Variants in PTPRM observed in about 807,000 individuals in gnomAD.
PTPRM encodes receptor-type tyrosine-protein phosphatase mu.
Under a neutral mutation model 186.7 loss-of-function variants are expected in PTPRM, and 47 were observed. The observed-to-expected ratio is 0.25, with a 90% CI of 0.20 to 0.32. PTPRM has a LOEUF of 0.32. PTPRM is among the 10% of genes least tolerant of loss of function. PTPRM has a pLI of 1.00. For missense variants in PTPRM, 1,494 were observed against 1,865.0 expected, an observed-to-expected ratio of 0.80 and a Z score of 3.66; for synonymous variants, 668 against 674.9, an observed-to-expected ratio of 0.99 and a Z score of 0.16.
At chr18:7,698,234 C>T (rs372189542) in intron 1 of PTPRM, among the ~76,000 whole-genome samples, 1 of 152,162 alleles carries the variant, frequency 6.6e-6, no homozygotes. Flanking sequence ...TGCACCAATA[C>T]AGTGGCTCCA....
At chr18:8,168,593 T>C (rs2093355595) in intron 14 of PTPRM, among the ~76,000 whole-genome samples, 1 of 152,222 alleles carries the variant, frequency 6.6e-6, no homozygotes, top group Non-Finnish European at 1.5e-5. Flanking sequence ...TTTCTTAAAA[T>C]AACTGTTTTC....
rs550300738 is a variant in PTPRM, at chr18:7,964,262, C to T, written c.1132+8848C>T. 3.9e-5 allele frequency among the ~76,000 whole-genome samples: 6 copies of T among 152,334 alleles called. 1 individual carries two copies. The highest frequency in any genetic ancestry group is 4.1e-4 in the South Asian group (2 of 4,824). On this transcript the variant is annotated intron_variant, in intron 7 of 32. Coordinates refer to ENST00000580170, the MANE Select transcript of PTPRM (RefSeq NM_001105244.2). ...CTTTAAATTATCATAGAGGCTTATA[C>T]TTTTGTGACTGCCTTTGTGAACATT...
chr18:7,821,799 G>T (rs975954570), intron 2 of PTPRM, among the ~76,000 whole-genome samples: 2 of 152,190 alleles, frequency 1.3e-5, no homozygotes, highest in Non-Finnish European at 2.9e-5. Context: ...AGGGCAGGTG[G>T]TATCTACAGC....
chr18:8,281,523 C>T (rs768306800), intron 19 of PTPRM, among the ~76,000 whole-genome samples: 21 of 152,094 alleles, frequency 1.4e-4, no homozygotes, highest in East Asian at 5.8e-4. Context: ...GCTGTGATGA[C>T]GGAGGAATAG....
rs532937919 is a variant in PTPRM at position 8,279,806 on chromosome 18, C to T, written c.2755-16562C>T. 7.2e-5 allele frequency among the ~76,000 whole-genome samples: 11 copies of T among 152,322 alleles called. 1 individual carries two copies. The South Asian group carries it at 2.3e-3, about 32-fold the overall frequency. On this transcript the variant is annotated intron_variant, in intron 19 of 32. Coordinates refer to ENST00000580170, the MANE Select transcript of PTPRM (RefSeq NM_001105244.2). The stretch of plus-strand genomic sequence containing the variant: ...CCATGCCTGCAGAGTTTGCAGTCTC[C>T]TGGCCCTAAGATGACATCCCCAGAA...
chr18:7,828,648 G>A (rs1253339128), intron 2 of PTPRM, among the ~76,000 whole-genome samples: 1 of 152,144 alleles, frequency 6.6e-6, no homozygotes, highest in Non-Finnish European at 1.5e-5. Flanking sequence ...CAGTACATCT[G>A]TGTGAAAGGA....
At chr18:7,904,978 T>C (rs1197288991) in intron 3 of PTPRM, among the ~76,000 whole-genome samples, 4 of 152,138 alleles carry the variant, frequency 2.6e-5, no homozygotes, top group African/African-American at 9.7e-5. Context: ...GTTCTTTCTT[T>C]CTTTCCTTTT....
chr18:8,303,177 T>TG lies in PTPRM; in HGVS notation c.2842+6722_2842+6723insG, dbSNP rs1244044870. On this transcript the variant is annotated intron_variant, in intron 20 of 32. Transcript: ENST00000580170. ...AACTGCTCAGCGGTGCAGGGAGCAC[T>TG]CTCATGGAGAGAAGGGGTGCTGCTA... Among the ~76,000 whole-genome samples, 3 of 151,912 alleles carry TG rather than the reference T, an allele frequency of 2.0e-5. 1 individual carries two copies. Among genetic ancestry groups the TG allele is most frequent in the Admixed American group, 2.0e-4 (3 of 15,252 alleles).
At chr18:8,001,550 C>A (rs1167338733) in intron 7 of PTPRM, among the ~76,000 whole-genome samples, 3 of 151,556 alleles carry the variant, frequency 2.0e-5, no homozygotes, top group East Asian at 3.9e-4. Flanking sequence ...TTTTTATTTG[C>A]CCCTCCACCA....
At chr18:8,035,538 TTATAC>T (rs2086266308) in intron 7 of PTPRM, among the ~76,000 whole-genome samples, 1 of 152,238 alleles carries the variant, frequency 6.6e-6, no homozygotes, top group South Asian at 2.1e-4. Flanking sequence ...TAAATAGTTC[TTATAC>T]TATATTATTT....
intron 11 of PTPRM, among the ~76,000 whole-genome samples, chr18:8,111,751 A>G (rs930636605): frequency 6.6e-6 from 1 of 152,252 alleles, no homozygotes; most frequent in Non-Finnish European, 1.5e-5. Flanking sequence ...TTAGAGATTC[A>G]CTTAATTCTC....
At chr18:7,983,048 G>C (rs2082642878) in intron 7 of PTPRM, among the ~76,000 whole-genome samples, 1 of 151,928 alleles carries the variant, frequency 6.6e-6, no homozygotes, top group Non-Finnish European at 1.5e-5. Flanking sequence ...CACTTTCTCA[G>C]AAATGCCTTT....
At chr18:8,303,970 T>C (rs1286905009) in intron 20 of PTPRM, among the ~76,000 whole-genome samples, 1 of 152,200 alleles carries the variant, frequency 6.6e-6, no homozygotes, top group Non-Finnish European at 1.5e-5. Flanking sequence ...GCAAATCCAT[T>C]ATTTGCAGAA....
At chr18:8,290,683 GT>G (rs1405124008) in intron 19 of PTPRM, among the ~76,000 whole-genome samples, 1 of 152,100 alleles carries the variant, frequency 6.6e-6, no homozygotes, top group Non-Finnish European at 1.5e-5. Context: ...AGCTTGCCTG[GT>G]TTCATTTTTA....
intron 7 of PTPRM, among the ~76,000 whole-genome samples, chr18:8,031,655 G>A (rs985606052): frequency 7.9e-5 from 12 of 152,202 alleles, no homozygotes; most frequent in African/African-American, 2.9e-4. Context: ...ACAGTAGGCA[G>A]AGCAGTAAGA....
chr18:8,319,807 T>G (rs974682040), intron 22 of PTPRM, among the ~76,000 whole-genome samples: 2 of 151,700 alleles, frequency 1.3e-5, no homozygotes, highest in Non-Finnish European at 2.9e-5. Flanking sequence ...AGAAACATCA[T>G]GAGCAAAGAT....
chr18:7,989,861 C>G (rs1243521076), intron 7 of PTPRM, among the ~76,000 whole-genome samples: 4 of 152,136 alleles, frequency 2.6e-5, no homozygotes, highest in Non-Finnish European at 5.9e-5. Flanking sequence ...TCAAAGCTTT[C>G]TCTTTTCTCA....
chr18:8,338,278 T>A (rs904384334), intron 22 of PTPRM, among the ~76,000 whole-genome samples: 11 of 147,674 alleles, frequency 7.4e-5, no homozygotes, highest in South Asian at 6.4e-4. Flanking sequence ...AAGTATAATT[T>A]AAAAATATAT....
rs936766593 is a variant in PTPRM, at chr18:7,945,332, C to T, written c.664-3849C>T. Among the ~76,000 whole-genome samples, 4 of 151,110 alleles carry T rather than the reference C, an allele frequency of 2.6e-5. No individual in the cohort carries two copies. The East Asian group carries it at 5.8e-4, about 22-fold the overall frequency. Reference sequence around the variant, plus strand: ...AAAAAAAATTATCCAGGCATGGTGGCGGGCACGTGTAGTCCCAGCTATTTG... The same window carrying T: ...AAAAAAAATTATCCAGGCATGGTGGTGGGCACGTGTAGTCCCAGCTATTTG... On this transcript the variant is annotated intron_variant, in intron 5 of 32. Transcript: ENST00000580170.
Sources: gnomAD v4.1 joint callset for allele counts (sites outside exome capture counted in the v4.1 genomes callset) on GRCh38, gnomAD v4.1.1 for gene constraint, MANE v1.5 for transcripts, NCBI Gene and HGNC (gene_info 2026-07-23, HGNC 2026-07-21) for gene names.